The following CALN1 variants were observed in gnomAD, a reference collection of about 807,000 sequenced individuals.
CALN1 encodes the protein calcium-binding protein 8.
Under a neutral mutation model 30.6 loss-of-function variants are expected in CALN1, and 17 were observed. The observed-to-expected ratio is 0.56, with a 90% CI of 0.38 to 0.83. The LOEUF is 0.83. CALN1 is among the 40% of genes least tolerant of loss of function. The probability of loss-of-function intolerance (pLI) is 0.00; values close to 1 mark genes in which losing one functional copy is unlikely to be tolerated. For synonymous variants in CALN1, 156 were observed against 131.4 expected (o/e 1.19, Z -1.28); for missense variants, 291 against 354.9 (o/e 0.82, Z 1.45).
At chr7:72,473,290 CAGGTCTCAGGTGCCG>C in the CALN1 span, among the ~76,000 whole-genome samples, 1 of 151,998 alleles carries the variant, frequency 6.6e-6, no homozygotes. Context: ...AACAAAGTCT[CAGGTCTCAGGTGCCG>C]AGGTCTCAGG....
chr7:71,907,286 T>C (rs1248405189), intron 5 of CALN1, among the ~76,000 whole-genome samples: 2 of 147,190 alleles, frequency 1.4e-5, no homozygotes, highest in Non-Finnish European at 2.9e-5. Context: ...GAAGGCTTGA[T>C]GTGTTCCATC....
intron 3 of CALN1, among the ~76,000 whole-genome samples, chr7:72,275,849 C>T (rs1455457571): frequency 6.6e-6 from 1 of 152,182 alleles, no homozygotes; most frequent in East Asian, 1.9e-4. Context: ...AAGTGGAGGG[C>T]ATTTCACCAG....
chr7:72,382,529 C>T (rs1433150287), intron 2 of CALN1, among the ~76,000 whole-genome samples: 1 of 152,078 alleles, frequency 6.6e-6, no homozygotes, highest in African/African-American at 2.4e-5. Context: ...TTGTGTAATG[C>T]TGAGGTTTGA....
At chr7:72,151,757 G>A (rs1000826065) in intron 3 of CALN1, among the ~76,000 whole-genome samples, 16 of 152,018 alleles carry the variant, frequency 1.1e-4, no homozygotes, top group Non-Finnish European at 2.4e-4. Context: ...CATGGTGTAG[G>A]CTGGAGTTCA....
upstream of CALN1, among the ~76,000 whole-genome samples, chr7:72,451,212 G>GAAGAAGAAGAAGAAGAAGAAGAAGAGGA (rs1562973699): frequency 9.8e-6 from 1 of 102,078 alleles, no homozygotes; most frequent in African/African-American, 5.3e-5. Context: ...GAAGAAGAAG[G>GAAGAAGAAGAAGAAGAAGAAGAAGAGGA]AGGAGGAGGA....
At chr7:71,999,699 A>G (rs552488360) in intron 5 of CALN1, among the ~76,000 whole-genome samples, 1 of 152,120 alleles carries the variant, frequency 6.6e-6, no homozygotes, top group East Asian at 1.9e-4. Context: ...TATTTTTAGT[A>G]GAGACAGGTT....
chr7:71,819,747 T>C (rs182558942), intron 5 of CALN1, among the ~76,000 whole-genome samples: 18 of 152,334 alleles, frequency 1.2e-4, no homozygotes, highest in Admixed American at 4.6e-4. Context: ...TGGAATCATA[T>C]GATATTTGTC....
intron 2 of CALN1, among the ~76,000 whole-genome samples, chr7:72,325,929 T>C (rs1205283264): frequency 6.6e-6 from 1 of 151,996 alleles, no homozygotes; most frequent in South Asian, 2.1e-4. Context: ...GAAGACAGGG[T>C]CTTGTTCTGT....
chr7:71,920,713 T>C (rs903433370), intron 5 of CALN1, among the ~76,000 whole-genome samples: 2 of 152,178 alleles, frequency 1.3e-5, no homozygotes, highest in Admixed American at 6.5e-5. Flanking sequence ...TGTAGTTTTA[T>C]TGAGCACATA....
intron 3 of CALN1, among the ~76,000 whole-genome samples, chr7:72,236,726 G>T (rs976119468): frequency 6.6e-6 from 1 of 152,224 alleles, no homozygotes; most frequent in Non-Finnish European, 1.5e-5. Context: ...CTGTTGGGAG[G>T]AGGAAATAAA....
rs556940573 is a variant in CALN1 at position 71,919,700 on chromosome 7, T to C, written c.501+103957A>G. On this transcript the variant is annotated intron_variant, in intron 5 of 6. Transcript: ENST00000395275. The stretch of plus-strand genomic sequence containing the variant: ...AGACTGGTTTTCCAGGAAGACACTA[T>C]GGTGGAGTAAAGAGAGTGCATTTGA... 1.2e-4 allele frequency among the ~76,000 whole-genome samples: 18 copies of C among 152,262 alleles called. No homozygotes were observed. In the East Asian group the frequency reaches 3.3e-3, roughly 28 times the overall value.
intron 5 of CALN1, among the ~76,000 whole-genome samples, chr7:71,979,869 C>CT (rs555621436): frequency 0.056 from 5,017 of 89,676 alleles, 842 homozygotes; most frequent in South Asian, 0.13. Flanking sequence ...CATCAGGATT[C>CT]TTTTTTTTTT....
chr7:72,156,976 C>T (rs1033083666), intron 3 of CALN1, among the ~76,000 whole-genome samples: 1 of 152,218 alleles, frequency 6.6e-6, no homozygotes, highest in Non-Finnish European at 1.5e-5. Flanking sequence ...CCTCTGCCTA[C>T]AGAGAGCTGT....
intron 2 of CALN1, among the ~76,000 whole-genome samples, chr7:72,359,562 A>G (rs1311709002): frequency 6.6e-6 from 1 of 152,168 alleles, no homozygotes; most frequent in Non-Finnish European, 1.5e-5. Context: ...GCCTCCTGGT[A>G]TGACACAGTG....
intron 4 of CALN1, among the ~76,000 whole-genome samples, chr7:72,070,781 T>C (rs751395135): frequency 4.6e-5 from 7 of 152,204 alleles, no homozygotes; most frequent in Non-Finnish European, 8.8e-5. Context: ...GCCACTTCAG[T>C]CTGAAGGGAC....
At chr7:72,034,570 T>G (rs192539679) in intron 4 of CALN1, among the ~76,000 whole-genome samples, 110 of 151,340 alleles carry the variant, frequency 7.3e-4, no homozygotes, top group African/African-American at 2.5e-3. Context: ...ATCAGACAGA[T>G]CACTTGAGGC....
rs528758165 is a variant in CALN1 at position 72,264,645 on chromosome 7, T to C, written c.244+14041A>G. On this transcript the variant is annotated intron_variant, in intron 3 of 6. Coordinates refer to ENST00000395275, the MANE Select transcript of CALN1 (RefSeq NM_031468.4). ...CCTCCTGAGTATCCAAGACCACAGG[T>C]GTGCAAGCACCACACCCAGCTGATT... Among the ~76,000 whole-genome samples, 12 of 152,262 alleles carry C rather than the reference T, an allele frequency of 7.9e-5. No individual in the cohort carries two copies. The South Asian group carries it at 1.5e-3, about 18-fold the overall frequency.
chr7:72,027,278 C>T (rs990725437), intron 4 of CALN1, among the ~76,000 whole-genome samples: 2 of 152,190 alleles, frequency 1.3e-5, no homozygotes, highest in Non-Finnish European at 2.9e-5. Flanking sequence ...GCCCCAAGTA[C>T]TGTGGTTCTT....
chr7:72,503,466 A>G, the CALN1 span, among the ~76,000 whole-genome samples: 2 of 152,132 alleles, frequency 1.3e-5, no homozygotes, highest in East Asian at 3.9e-4. Context: ...TTGGCACTCA[A>G]GCTATCTTGC....
Sources: gnomAD v4.1 joint callset for allele counts (sites outside exome capture counted in the v4.1 genomes callset) on GRCh38, gnomAD v4.1.1 for gene constraint, MANE v1.5 for transcripts, NCBI Gene and HGNC (gene_info 2026-07-23, HGNC 2026-07-21) for gene names.